DENND1B: variants seen among roughly 807,000 people sequenced by gnomAD.
DENND1B encodes DENN domain containing 1B.
Under a neutral mutation model 90.1 loss-of-function variants are expected in DENND1B, and 59 were observed. The ratio of observed to expected loss-of-function variants is 0.65; its 90% CI spans 0.53 to 0.81. DENND1B has a LOEUF of 0.81. Among genes scored for constraint, DENND1B ranks in the 40% least tolerant of loss-of-function variants. The pLI is 0.00. For missense variants in DENND1B, 862 were observed against 912.6 expected (o/e 0.94, Z 0.71); for synonymous variants, 337 against 324.6 (o/e 1.04, Z -0.41).
At chr1:197,664,572 A>G (rs985758516) in intron 5 of DENND1B, among the ~76,000 whole-genome samples, 4 of 152,148 alleles carry the variant, frequency 2.6e-5, no homozygotes, top group Non-Finnish European at 5.9e-5. Context: ...TAGAGCTGAT[A>G]AAACTTTTAC....
intron 15 of DENND1B, among the ~76,000 whole-genome samples, chr1:197,571,420 C>A (rs1347791765): frequency 6.6e-6 from 1 of 152,270 alleles, no homozygotes; most frequent in East Asian, 1.9e-4. Flanking sequence ...ATGCCAAGTT[C>A]TTTCCCTCCT....
At chr1:197,560,630 G>A (rs190124893) in intron 15 of DENND1B, among the ~76,000 whole-genome samples, 80 of 151,976 alleles carry the variant, frequency 5.3e-4, no homozygotes, top group African/African-American at 1.5e-3. Context: ...AGTAGGAACA[G>A]GCAGGTACTC....
chr1:197,615,604 T>C (rs561909075), intron 11 of DENND1B, among the ~76,000 whole-genome samples: 1 of 151,140 alleles, frequency 6.6e-6, no homozygotes, highest in South Asian at 2.1e-4. Flanking sequence ...CTTTTACATG[T>C]AGATCAGTAT....
chr1:197,686,340 A>C (rs1175605643), intron 3 of DENND1B, among the ~76,000 whole-genome samples: 1 of 152,168 alleles, frequency 6.6e-6, no homozygotes, highest in Non-Finnish European at 1.5e-5. Flanking sequence ...AAATTCTGTA[A>C]AGTTAGACTT....
intron 13 of DENND1B, among the ~76,000 whole-genome samples, chr1:197,604,252 GTTC>G (rs560631811): frequency 6.0e-5 from 9 of 150,972 alleles, no homozygotes; most frequent in African/African-American, 2.2e-4. Context: ...AAAAACAAGT[GTTC>G]TTGTCAGAAG....
intron 20 of DENND1B, among the ~76,000 whole-genome samples, chr1:197,529,844 T>C (rs995330042): frequency 6.6e-6 from 1 of 152,188 alleles, no homozygotes; most frequent in Admixed American, 6.5e-5. Flanking sequence ...GTACATAGGA[T>C]TAAGACTGTT....
chr1:197,622,256 T>C (rs1447547584), intron 10 of DENND1B, among the ~76,000 whole-genome samples: 1 of 151,360 alleles, frequency 6.6e-6, no homozygotes, highest in East Asian at 1.9e-4. Context: ...GAACTACTCA[T>C]ACCTAATCCT....
chr1:197,735,972 A>G, intron 2 of DENND1B: 1 of 1,287,878 alleles, frequency 7.8e-7, no homozygotes, highest in Non-Finnish European at 1.1e-6. Flanking sequence ...CAGGGCTGCT[A>G]AGGAAGCAAA....
intron 13 of DENND1B, among the ~76,000 whole-genome samples, chr1:197,598,944 A>G (rs535902930): frequency 2.1e-4 from 32 of 151,952 alleles, no homozygotes; most frequent in African/African-American, 7.5e-4. Context: ...CATTGCTCTT[A>G]TCAAATGTTT....
chr1:197,622,551 A>C (rs1364129812), intron 10 of DENND1B, among the ~76,000 whole-genome samples: 2 of 151,470 alleles, frequency 1.3e-5, no homozygotes, highest in African/African-American at 4.8e-5. Context: ...TTTGGACCGG[A>C]CAATCAAACA....
At chr1:197,631,681 A>T (rs1028134943) in intron 10 of DENND1B, among the ~76,000 whole-genome samples, 2 of 151,860 alleles carry the variant, frequency 1.3e-5, no homozygotes, top group African/African-American at 4.8e-5. Flanking sequence ...CTTTAGAGTT[A>T]ACAAATATAA....
At chr1:197,573,256 T>C (rs1323020360) in intron 15 of DENND1B, among the ~76,000 whole-genome samples, 1 of 152,148 alleles carries the variant, frequency 6.6e-6, no homozygotes, top group East Asian at 1.9e-4. Context: ...GGATCTTTCC[T>C]GCTTTCTCTT....
At chr1:197,627,888 G>C (rs1678924708) in intron 10 of DENND1B, among the ~76,000 whole-genome samples, 1 of 151,126 alleles carries the variant, frequency 6.6e-6, no homozygotes, top group African/African-American at 2.4e-5. Context: ...ACCAATAACA[G>C]ACAGACAGCG....
intron 18 of DENND1B, among the ~76,000 whole-genome samples, chr1:197,542,645 C>A (rs1190151074): frequency 6.6e-6 from 1 of 152,030 alleles, no homozygotes; most frequent in Non-Finnish European, 1.5e-5. Flanking sequence ...TTCTGTTATA[C>A]CACACAACAG....
intron 2 of DENND1B, among the ~76,000 whole-genome samples, chr1:197,715,822 A>G (rs1407940426): frequency 6.6e-6 from 1 of 151,876 alleles, no homozygotes; most frequent in Non-Finnish European, 1.5e-5. Context: ...TTAGTTTAGT[A>G]AGCACTAATA....
rs77745125 is a variant in DENND1B, at chr1:197,527,864, T to C, written c.1515+12100A>G. Among the ~76,000 whole-genome samples, 309 of 152,280 alleles carry C rather than the reference T, an allele frequency of 2.0e-3. 1 individual carries two copies. Among genetic ancestry groups the C allele is most frequent in the Non-Finnish European group, 3.6e-3 (242 of 68,004 alleles). On this transcript the variant is annotated intron_variant, in intron 20 of 22. Coordinates refer to ENST00000620048, the MANE Select transcript of DENND1B (RefSeq NM_001195215.2). ...AAAAGTAAGTGGTTACTCTCCTCTA[T>C]AAACACTGAGTACACCATTTCTTTC...
At position 197,545,570 on chromosome 1, in the gene DENND1B, T is replaced by C. The variant is rs76301929; in HGVS notation, c.1350+352A>G. 126 of 200,086 alleles carry C rather than the reference T, an allele frequency of 6.3e-4. 2 individuals carry two copies. In the East Asian group the frequency reaches 0.019, roughly 30 times the overall value. 12.4% of individuals were successfully genotyped at this position (200,086 alleles called of 1,614,324 possible). A position where few individuals can be genotyped will look rare whatever the true frequency, so the allele number is the denominator to read the frequency against. ...AAGACCTCGCTATATTTTTCTTTTT[T>C]TTTTTCTACTTGAGCCGCAAGTACA... On this transcript the variant is annotated intron_variant, in intron 18 of 22. Coordinates refer to ENST00000620048, the MANE Select transcript of DENND1B (RefSeq NM_001195215.2).
the DENND1B span, among the ~76,000 whole-genome samples, chr1:197,782,095 CAG>C: frequency 3.9e-5 from 6 of 152,158 alleles, no homozygotes; most frequent in African/African-American, 1.2e-4. Context: ...ATAATTGAAG[CAG>C]AGTGTCACCA....
chr1:197,575,866 G>A (rs1673631194), intron 15 of DENND1B, among the ~76,000 whole-genome samples: 1 of 152,090 alleles, frequency 6.6e-6, no homozygotes, highest in Non-Finnish European at 1.5e-5. Flanking sequence ...CTCACTCATA[G>A]GTAGGAACTG....
Sources: allele counts gnomAD v4.1 joint callset (sites outside exome capture counted in the v4.1 genomes callset), GRCh38; gene constraint gnomAD v4.1.1; transcripts MANE v1.5; gene names NCBI Gene and HGNC (gene_info 2026-07-23, HGNC 2026-07-21).